The following OR2C1 variants were observed in gnomAD, a reference collection of about 807,000 sequenced individuals.
OR2C1 encodes the protein olfactory receptor family 2 subfamily C member 1.
For missense variants in OR2C1, 468 were observed against 388.3 expected, an observed-to-expected ratio of 1.21 and a Z score of -1.73; for synonymous variants, 209 against 167.3, an observed-to-expected ratio of 1.25 and a Z score of -1.92.
the OR2C1 span, among the ~76,000 whole-genome samples, chr16:3,327,002 T>C: frequency 1.3e-5 from 2 of 152,322 alleles, no homozygotes; most frequent in South Asian, 4.1e-4. Flanking sequence ...CCAATGTGAA[T>C]TGGGGTTTCT....
the OR2C1 span, among the ~76,000 whole-genome samples, chr16:3,350,643 C>A: frequency 1.3e-5 from 2 of 148,966 alleles, no homozygotes; most frequent in African/African-American, 5.0e-5. Flanking sequence ...GATCTCCTGA[C>A]CTTGTGATCC....
At chr16:3,323,791 T>C in the OR2C1 span, 1 of 786,712 alleles carries the variant, frequency 1.3e-6, no homozygotes, top group Non-Finnish European at 2.1e-6. Context: ...ACCTGAGCCC[T>C]TTTCCTTTCC....
At chr16:3,329,980 C>T in the OR2C1 span, among the ~76,000 whole-genome samples, 68 of 151,782 alleles carry the variant, frequency 4.5e-4, no homozygotes, top group Middle Eastern at 3.4e-3. Context: ...GTCTCAAACT[C>T]CTGACCTTGT....
At chr16:3,342,278 C>G in the OR2C1 span, among the ~76,000 whole-genome samples, 1 of 152,022 alleles carries the variant, frequency 6.6e-6, no homozygotes, top group Admixed American at 6.6e-5. Context: ...CCTAAAAGCA[C>G]AAACCAACAT....
chr16:3,354,990 C>G (rs1230658484), upstream of OR2C1, among the ~76,000 whole-genome samples: 2 of 152,102 alleles, frequency 1.3e-5, no homozygotes, highest in Non-Finnish European at 1.5e-5. Flanking sequence ...ATGGTCAACT[C>G]TCTCTATCCC....
chr16:3,338,554 T>TGTTTTTTTTTTG, the OR2C1 span, among the ~76,000 whole-genome samples: 1 of 135,742 alleles, frequency 7.4e-6, no homozygotes, highest in Admixed American at 7.5e-5. Context: ...TTTTTTTTTT[T>TGTTTTTTTTTTG]TGAAACGGAG....
chr16:3,340,880 G>A, the OR2C1 span, among the ~76,000 whole-genome samples: 2 of 151,440 alleles, frequency 1.3e-5, no homozygotes, highest in African/African-American at 2.4e-5. Flanking sequence ...TTTGAATTTG[G>A]GCAGTGTGAC....
chr16:3,344,379 A>G, the OR2C1 span, among the ~76,000 whole-genome samples: 1 of 152,236 alleles, frequency 6.6e-6, no homozygotes, highest in South Asian at 2.1e-4. Context: ...TAGTAATCAG[A>G]GAAATGCAAA....
Position 3,355,961 on chromosome 16 carries a change from C to T in OR2C1, c.21C>T (p.Ser7=). 6.2e-7 allele frequency: 1 copy of T among 1,610,844 alleles called. No homozygotes were observed. The highest frequency in any genetic ancestry group is 8.5e-7 in the Non-Finnish European group (1 of 1,178,022). Residue 7 remains serine, a synonymous_variant, in exon 1 of 1, where the codon AGC becomes AGT. Coordinates refer to ENST00000304936, the MANE Select transcript of OR2C1 (RefSeq NM_012368.3). MDGVND[S]SLQGFVLMGI... is the part of the protein sequence containing the mutation. Reference sequence around the variant, plus strand: ...CAGTGATGGACGGGGTGAATGATAGCTCCTTGCAGGGCTTTGTTCTGATGG... The same window carrying T: ...CAGTGATGGACGGGGTGAATGATAGTTCCTTGCAGGGCTTTGTTCTGATGG...
At chr16:3,329,555 TTC>T in the OR2C1 span, among the ~76,000 whole-genome samples, 1 of 151,452 alleles carries the variant, frequency 6.6e-6, no homozygotes, top group African/African-American at 2.4e-5. Context: ...GTTCATGCCA[TTC>T]TCCTGCCTCA....
At chr16:3,347,514 T>C in the OR2C1 span, among the ~76,000 whole-genome samples, 1 of 151,262 alleles carries the variant, frequency 6.6e-6, no homozygotes, top group South Asian at 2.1e-4. Context: ...CAGGCTGGAG[T>C]GCAGTGTCCC....
At chr16:3,351,913 T>G (rs1057280223), upstream of OR2C1, among the ~76,000 whole-genome samples, 3 of 150,908 alleles carry the variant, frequency 2.0e-5, no homozygotes, top group African/African-American at 7.3e-5. Flanking sequence ...TTTCGTATTT[T>G]GTAAGATCCT....
At chr16:3,340,595 A>T in the OR2C1 span, among the ~76,000 whole-genome samples, 1 of 152,154 alleles carries the variant, frequency 6.6e-6, no homozygotes, top group African/African-American at 2.4e-5. Context: ...TTTAGGTAAT[A>T]GATTCATTTT....
chr16:3,345,022 C>G, the OR2C1 span, among the ~76,000 whole-genome samples: 1 of 151,872 alleles, frequency 6.6e-6, no homozygotes, highest in Non-Finnish European at 1.5e-5. Flanking sequence ...AAATTAAAGA[C>G]AAGCTATATG....
the OR2C1 span, among the ~76,000 whole-genome samples, chr16:3,333,436 C>T: frequency 1.1e-4 from 17 of 151,692 alleles, no homozygotes; most frequent in South Asian, 2.7e-3. Flanking sequence ...CCCGGGTTCG[C>T]GCCATTCTCC....
At chr16:3,352,262 G>A (rs1311503858), upstream of OR2C1, among the ~76,000 whole-genome samples, 2 of 151,598 alleles carry the variant, frequency 1.3e-5, no homozygotes, top group African/African-American at 2.4e-5. Context: ...GACTACAGGC[G>A]CCCACCACCA....
the OR2C1 span, among the ~76,000 whole-genome samples, chr16:3,333,211 A>ATTTTTTT: frequency 2.0e-4 from 13 of 65,836 alleles, no homozygotes; most frequent in Admixed American, 3.9e-4. Flanking sequence ...TCTTTTGCCC[A>ATTTTTTT]TTTTTTTTTT....
the OR2C1 span, among the ~76,000 whole-genome samples, chr16:3,333,030 G>C: frequency 6.6e-6 from 1 of 151,606 alleles, no homozygotes; most frequent in Non-Finnish European, 1.5e-5. Context: ...CCACATCCTC[G>C]CCAGCAGCTG....
chr16:3,330,499 A>G, the OR2C1 span, among the ~76,000 whole-genome samples: 1 of 152,194 alleles, frequency 6.6e-6, no homozygotes, highest in Non-Finnish European at 1.5e-5. Context: ...AATGGAACAG[A>G]ATGGAGAGTC....
Sources: gnomAD v4.1 joint callset for allele counts (sites outside exome capture counted in the v4.1 genomes callset) on GRCh38, gnomAD v4.1.1 for gene constraint, MANE v1.5 for transcripts, NCBI Gene and HGNC (gene_info 2026-07-23, HGNC 2026-07-21) for gene names.